The following ELP4 variants were observed in gnomAD, a reference collection of about 807,000 sequenced individuals.
ELP4 encodes elongator acetyltransferase complex subunit 4.
A neutral mutation model predicts 48.9 loss-of-function variants in ELP4; 51 were observed. That is an observed-to-expected ratio of 1.04 (90% CI 0.83 to 1.32). The LOEUF is 1.32. Among genes scored for constraint, ELP4 ranks in the 40% most tolerant of loss-of-function variants. The probability of loss-of-function intolerance (pLI) is 0.00; values close to 1 mark genes in which losing one functional copy is unlikely to be tolerated. For missense variants in ELP4, 519 were observed against 514.6 expected, an observed-to-expected ratio of 1.01 and a Z score of -0.08; for synonymous variants, 210 against 189.2, an observed-to-expected ratio of 1.11 and a Z score of -0.90.
intron 3 of ELP4, among the ~76,000 whole-genome samples, chr11:31,543,518 A>G (rs947947762): frequency 8.5e-5 from 13 of 152,202 alleles, no homozygotes; most frequent in Non-Finnish European, 1.8e-4. Flanking sequence ...ACGGGGTTTC[A>G]CCGTGTTAGC....
At chr11:31,731,536 A>G (rs912298234) in intron 9 of ELP4, among the ~76,000 whole-genome samples, 1 of 148,372 alleles carries the variant, frequency 6.7e-6, no homozygotes, top group Non-Finnish European at 1.5e-5. Flanking sequence ...AATGAAGAAA[A>G]CCTAGGGGAC....
chr11:31,624,552 A>G (rs940079799), intron 5 of ELP4, among the ~76,000 whole-genome samples: 4 of 151,670 alleles, frequency 2.6e-5, no homozygotes, highest in Admixed American at 2.0e-4. Context: ...AAAGCCTAAC[A>G]TACTACTGGA....
Position 31,786,544 on chromosome 11 carries a change from T to C in ELP4, c.*3020T>C. On this transcript the variant is annotated 3_prime_UTR_variant, in exon 10 of 10. Coordinates refer to ENST00000640961, the MANE Select transcript of ELP4 (RefSeq NM_019040.5). Reference sequence around the variant, plus strand: ...AAACATACAGAGAAGAAAAGGCTTTTTAAAATCTTACTAGTATGAGAGGCC... The same window carrying C: ...AAACATACAGAGAAGAAAAGGCTTTCTAAAATCTTACTAGTATGAGAGGCC... 4.4e-6 allele frequency: 1 copy of C among 225,218 alleles called. No individual in the cohort carries two copies. Among genetic ancestry groups the C allele is most frequent in the Non-Finnish European group, 8.9e-6 (1 of 112,982 alleles). 14.0% of individuals were successfully genotyped at this position (225,218 alleles called of 1,614,324 possible).
chr11:31,619,937 G>A (rs1944583971), intron 5 of ELP4, among the ~76,000 whole-genome samples: 1 of 151,892 alleles, frequency 6.6e-6, no homozygotes, highest in Non-Finnish European at 1.5e-5. Flanking sequence ...AGTGTTGTGG[G>A]GACATGAGCA....
At chr11:31,628,757 C>A (rs529125161) in intron 6 of ELP4, among the ~76,000 whole-genome samples, 49 of 151,994 alleles carry the variant, frequency 3.2e-4, no homozygotes, top group African/African-American at 1.2e-3. Context: ...AATATACTTA[C>A]AATTTTATTG....
At position 31,700,662 on chromosome 11, in the gene ELP4, A is replaced by T. The variant is rs151134724; in HGVS notation, c.1143+50441A>T. ...GGAAGACAGCTGGAAAAGATTACTT[A>T]CTCAAGATAGGGACATGTGTATTCA... On this transcript the variant is annotated intron_variant, in intron 9 of 9. Transcript: ENST00000640961. Among the ~76,000 whole-genome samples the T allele has an allele frequency of 1.5e-3, 235 of 152,208 alleles. No individual in the cohort carries two copies. The Middle Eastern group carries it at 0.041, about 26-fold the overall frequency.
intron 3 of ELP4, among the ~76,000 whole-genome samples, chr11:31,553,248 A>G (rs1956879303): frequency 6.6e-6 from 1 of 152,170 alleles, no homozygotes; most frequent in Admixed American, 6.6e-5. Flanking sequence ...CTTACTATAT[A>G]TGAAAAGTCT....
At chr11:31,759,944 C>T (rs1592287558) in intron 9 of ELP4, among the ~76,000 whole-genome samples, 1 of 152,236 alleles carries the variant, frequency 6.6e-6, no homozygotes, top group East Asian at 1.9e-4. Flanking sequence ...CTCAAGTAAT[C>T]CACCTGCCTC....
chr11:31,571,333 C>T (rs137996123), intron 3 of ELP4, among the ~76,000 whole-genome samples: 39 of 152,250 alleles, frequency 2.6e-4, no homozygotes, highest in African/African-American at 4.1e-4. Context: ...GTACCAACTC[C>T]GTATCAATTA....
At chr11:31,624,195 T>G (rs1356383621) in intron 5 of ELP4, among the ~76,000 whole-genome samples, 1 of 151,712 alleles carries the variant, frequency 6.6e-6, no homozygotes, top group Non-Finnish European at 1.5e-5. Context: ...CAACCCCAAT[T>G]CTGAACATTC....
intron 4 of ELP4, among the ~76,000 whole-genome samples, chr11:31,597,600 A>G (rs1203394854): frequency 1.3e-5 from 2 of 152,104 alleles, no homozygotes; most frequent in Non-Finnish European, 2.9e-5. Flanking sequence ...TAATGAACCT[A>G]AACTCTAAGT....
chr11:31,746,608 T>A (rs9667148), intron 9 of ELP4, among the ~76,000 whole-genome samples: 49,536 of 151,954 alleles, frequency 0.33, 9,267 homozygotes, highest in African/African-American at 0.52. Context: ...TGAAACTGGA[T>A]ACCATCATTC....
Position 31,785,763 on chromosome 11 carries a change from A to G in ELP4, c.*2239A>G, listed in dbSNP as rs1282400395. On this transcript the variant is annotated 3_prime_UTR_variant, in exon 10 of 10. Transcript: ENST00000640961. ...TTATTTGTTACTCATTATGTTAATA[A>G]CTTACTACATAAACATATCTCTCTT... 1.0e-5 allele frequency: 2 copies of G among 193,954 alleles called. No individual in the cohort carries two copies. The highest frequency in any genetic ancestry group is 2.1e-5 in the Non-Finnish European group (2 of 93,144). The allele number at this position is 193,954 out of a possible 1,614,324, so 12.0% of individuals were successfully genotyped here. A position where few individuals can be genotyped will look rare whatever the true frequency, so the allele number is the denominator to read the frequency against.
chr11:31,542,262 C>T (rs1462568308), intron 3 of ELP4, among the ~76,000 whole-genome samples: 1 of 152,104 alleles, frequency 6.6e-6, no homozygotes, highest in Non-Finnish European at 1.5e-5. Context: ...ATAAGGTGAC[C>T]TTCAGGAGAC....
At chr11:31,686,762 G>A (rs1685893916) in intron 9 of ELP4, among the ~76,000 whole-genome samples, 2 of 152,026 alleles carry the variant, frequency 1.3e-5, no homozygotes, top group Admixed American at 1.3e-4. Flanking sequence ...CCAGCTACTT[G>A]GGAGGCTGAG....
intron 9 of ELP4, among the ~76,000 whole-genome samples, chr11:31,704,500 G>C (rs1375540290): frequency 6.6e-6 from 1 of 152,014 alleles, no homozygotes; most frequent in Non-Finnish European, 1.5e-5. Flanking sequence ...GGTGGGAGGA[G>C]GGGGGAGGGA....
At chr11:31,533,825 TTTTTG>T (rs370134447) in intron 2 of ELP4, among the ~76,000 whole-genome samples, 3,968 of 151,716 alleles carry the variant, frequency 0.026, 163 homozygotes, top group African/African-American at 0.091. Context: ...GTTTTTTTTG[TTTTTG>T]TTTTGTTTTG....
chr11:31,781,838 T>C (rs1374070825), intron 9 of ELP4, among the ~76,000 whole-genome samples: 1 of 152,188 alleles, frequency 6.6e-6, no homozygotes, highest in Non-Finnish European at 1.5e-5. Flanking sequence ...CCTGAAATCT[T>C]TCCTGGAACA....
Position 31,786,920 on chromosome 11 carries a change from G to C in ELP4, c.*3396G>C, listed in dbSNP as rs1246294144. 4.5e-6 allele frequency: 1 copy of C among 220,444 alleles called. No homozygotes were observed. Among genetic ancestry groups the C allele is most frequent in the Non-Finnish European group, 9.1e-6 (1 of 110,170 alleles). 13.7% of individuals were successfully genotyped at this position (220,444 alleles called of 1,614,324 possible). On this transcript the variant is annotated 3_prime_UTR_variant, in exon 10 of 10. Coordinates refer to ENST00000640961, the MANE Select transcript of ELP4 (RefSeq NM_019040.5). ...AAAAAATTTAGACGTTTAGTCCTGG[G>C]ATTCTACTGAAGTCTTCACAAATAA...
Sources: gnomAD v4.1 joint callset for allele counts (sites outside exome capture counted in the v4.1 genomes callset) on GRCh38, gnomAD v4.1.1 for gene constraint, MANE v1.5 for transcripts, NCBI Gene and HGNC (gene_info 2026-07-23, HGNC 2026-07-21) for gene names.